GALNTL6: variants seen among roughly 807,000 people sequenced by gnomAD.
The protein encoded by GALNTL6 is polypeptide N-acetylgalactosaminyltransferase-like 6.
In GALNTL6, 46 loss-of-function variants were observed where a neutral mutation model predicts 73.7. The ratio of observed to expected loss-of-function variants is 0.62; its 90% CI spans 0.49 to 0.80. The LOEUF (loss-of-function observed/expected upper bound fraction) is 0.80. Among genes scored for constraint, GALNTL6 ranks in the 30% least tolerant of loss-of-function variants. GALNTL6 has a pLI of 0.00. For missense variants in GALNTL6, 604 were observed against 755.0 expected (o/e 0.80, Z 2.34); for synonymous variants, 259 against 263.7 (o/e 0.98, Z 0.17).
At chr4:173,028,821 C>T (rs1753337490) in intron 12 of GALNTL6, among the ~76,000 whole-genome samples, 1 of 152,184 alleles carries the variant, frequency 6.6e-6, no homozygotes, top group Non-Finnish European at 1.5e-5. Flanking sequence ...TCTGGGGGTT[C>T]TTATAATTTA....
chr4:172,353,283 G>C (rs1742001751), intron 5 of GALNTL6, among the ~76,000 whole-genome samples: 1 of 152,090 alleles, frequency 6.6e-6, no homozygotes, highest in Non-Finnish European at 1.5e-5. Flanking sequence ...TCTAGCCTGG[G>C]TGTCAGAGCA....
At chr4:172,962,086 G>T (rs764886830) in intron 10 of GALNTL6, among the ~76,000 whole-genome samples, 3 of 152,200 alleles carry the variant, frequency 2.0e-5, no homozygotes, top group Non-Finnish European at 4.4e-5. Context: ...TTGTTCTCTG[G>T]CTGGCAAGGG....
chr4:171,904,185 CA>C (rs1737197731), intron 2 of GALNTL6, among the ~76,000 whole-genome samples: 1 of 152,132 alleles, frequency 6.6e-6, no homozygotes, highest in Non-Finnish European at 1.5e-5. Flanking sequence ...TTCAGACGAT[CA>C]AATTACTCCA....
intron 5 of GALNTL6, among the ~76,000 whole-genome samples, chr4:172,590,348 C>T (rs1025843732): frequency 6.6e-6 from 1 of 151,956 alleles, no homozygotes; most frequent in East Asian, 1.9e-4. Flanking sequence ...AAAGTGAATC[C>T]CACTTTTATT....
chr4:172,141,975 G>A (rs9994170), intron 2 of GALNTL6, among the ~76,000 whole-genome samples: 67,423 of 151,366 alleles, frequency 0.45, 15,664 homozygotes, highest in African/African-American at 0.56. Context: ...AAAATAACAT[G>A]TCATAGATTT....
chr4:171,989,420 A>T (rs1419595547), intron 2 of GALNTL6, among the ~76,000 whole-genome samples: 1 of 152,188 alleles, frequency 6.6e-6, no homozygotes, highest in Non-Finnish European at 1.5e-5. Context: ...TCCTACACAG[A>T]TGGGATACGG....
At chr4:171,921,292 TG>T in intron 2 of GALNTL6, among the ~76,000 whole-genome samples, 1 of 152,250 alleles carries the variant, frequency 6.6e-6, no homozygotes, top group South Asian at 2.1e-4. Context: ...ACCATGTTTT[TG>T]TTTTGCTTTT....
intron 5 of GALNTL6, among the ~76,000 whole-genome samples, chr4:172,388,923 G>GCTATAT (rs200367901): frequency 0.011 from 1,665 of 151,990 alleles, 29 homozygotes; most frequent in African/African-American, 0.036. Context: ...GAAAAGCTGT[G>GCTATAT]CTATATCTAT....
chr4:172,321,895 A>C (rs1740769356), intron 4 of GALNTL6, among the ~76,000 whole-genome samples: 1 of 152,188 alleles, frequency 6.6e-6, no homozygotes, highest in Non-Finnish European at 1.5e-5. Context: ...CAGTCTTCTA[A>C]GAGAGAGAAA....
chr4:172,590,319 A>C (rs1274542064), intron 5 of GALNTL6, among the ~76,000 whole-genome samples: 2 of 152,184 alleles, frequency 1.3e-5, no homozygotes, highest in Non-Finnish European at 2.9e-5. Context: ...ATGGACATGC[A>C]AACTGGGGGA....
At chr4:171,989,697 G>A (rs1299181130) in intron 2 of GALNTL6, among the ~76,000 whole-genome samples, 1 of 152,156 alleles carries the variant, frequency 6.6e-6, no homozygotes, top group Non-Finnish European at 1.5e-5. Context: ...TCCTGTTGTG[G>A]GGTTTGAGGT....
At chr4:172,450,579 C>T (rs1162332171) in intron 5 of GALNTL6, among the ~76,000 whole-genome samples, 1 of 152,230 alleles carries the variant, frequency 6.6e-6, no homozygotes. Flanking sequence ...CCTGCTTAAA[C>T]CTTCAATGGC....
chr4:172,323,853 A>G (rs754430336), intron 4 of GALNTL6, among the ~76,000 whole-genome samples: 46 of 152,060 alleles, frequency 3.0e-4, no homozygotes, highest in African/African-American at 7.5e-4. Flanking sequence ...AGGTGTCTAA[A>G]ACACCATTTT....
chr4:172,764,182 T>C (rs990024773), intron 5 of GALNTL6, among the ~76,000 whole-genome samples: 4 of 152,170 alleles, frequency 2.6e-5, no homozygotes, highest in African/African-American at 9.6e-5. Flanking sequence ...GGTCTCAAAC[T>C]CCCGACCTCA....
chr4:173,029,996 T>C (rs1753390299), intron 12 of GALNTL6, among the ~76,000 whole-genome samples: 1 of 152,144 alleles, frequency 6.6e-6, no homozygotes, highest in African/African-American at 2.4e-5. Flanking sequence ...TTGGAGGAAG[T>C]TACTCAACCA....
intron 2 of GALNTL6, among the ~76,000 whole-genome samples, chr4:172,199,892 C>T (rs900224307): frequency 4.7e-4 from 72 of 152,120 alleles, no homozygotes; most frequent in Non-Finnish European, 1.0e-3. Context: ...GGCAACTAGC[C>T]ATATACCTCA....
intron 10 of GALNTL6, among the ~76,000 whole-genome samples, chr4:172,959,445 G>T (rs1749928244): frequency 6.6e-6 from 1 of 152,088 alleles, no homozygotes; most frequent in Non-Finnish European, 1.5e-5. Flanking sequence ...TTAGAAGCCT[G>T]GCCGTCAATA....
chr4:171,998,727 A>G (rs148686183), intron 2 of GALNTL6, among the ~76,000 whole-genome samples: 59 of 152,354 alleles, frequency 3.9e-4, no homozygotes, highest in African/African-American at 1.3e-3. Context: ...AACGCTTTTA[A>G]CCACAAGTTA....
chr4:172,004,478 T>C (rs981864934), intron 2 of GALNTL6, among the ~76,000 whole-genome samples: 9 of 152,084 alleles, frequency 5.9e-5, no homozygotes, highest in Non-Finnish European at 1.2e-4. Flanking sequence ...TCAAATTCTA[T>C]CACCATCTAC....
Sources: gnomAD v4.1 joint callset for allele counts (sites outside exome capture counted in the v4.1 genomes callset) on GRCh38, gnomAD v4.1.1 for gene constraint, MANE v1.5 for transcripts, NCBI Gene and HGNC (gene_info 2026-07-23, HGNC 2026-07-21) for gene names.